Variants in DEUP1 observed in about 807,000 individuals in gnomAD.
DEUP1 encodes deuterosome assembly protein 1.
Under a neutral mutation model 87.4 loss-of-function variants are expected in DEUP1, and 82 were observed. The observed-to-expected ratio is 0.94, with a 90% CI of 0.78 to 1.13. The LOEUF (loss-of-function observed/expected upper bound fraction) is 1.13, where lower values mean the gene tolerates loss of function less well. DEUP1 is among the 50% of genes most tolerant of loss of function. The pLI, the probability that DEUP1 is intolerant of heterozygous loss-of-function variation, is 0.00. For synonymous variants in DEUP1, 214 were observed against 222.7 expected (o/e 0.96, Z 0.35); for missense variants, 663 against 681.5 (o/e 0.97, Z 0.30).
intron 2 of DEUP1, among the ~76,000 whole-genome samples, chr11:93,351,634 TTCAA>T (rs2134200174): frequency 6.6e-6 from 1 of 152,340 alleles, no homozygotes; most frequent in African/African-American, 2.4e-5. Context: ...AATCTTAAAA[TTCAA>T]TCAAGTTATT....
intron 1 of DEUP1, among the ~76,000 whole-genome samples, 162 bp downstream of exon 1, chr11:93,330,934 G>A (rs993802943): frequency 6.6e-6 from 1 of 152,232 alleles, no homozygotes; most frequent in African/African-American, 2.4e-5. Flanking sequence ...CGCGTGGCGC[G>A]GGGACAGAGG....
chr11:93,356,079 T>C (rs1009519488), intron 3 of DEUP1, among the ~76,000 whole-genome samples: 5 of 151,720 alleles, frequency 3.3e-5, no homozygotes, highest in African/African-American at 1.2e-4. Context: ...CATAGAAGAA[T>C]ATATGAGTGC....
chr11:93,357,041 C>G lies in DEUP1; in HGVS notation c.295C>G (p.Gln99Glu). ...YEGQLQSLKA[Q>E]FSKLTNNFEK... ...AGGACAACTACAAAGCCTAAAGGCT[C>G]AAGTAAGAAAACTTATTATAATTTA... is the stretch of plus-strand genomic sequence containing the variant. The change falls in exon 4 of 14, where the codon CAA (glutamine) becomes GAA (glutamate). Residue 99 changes from glutamine (Q) to glutamate (E), a missense_variant and splice_region_variant. Physicochemically the swap from Gln to Glu is conservative, Grantham distance 29. Transcript: ENST00000298050. 2.6e-6 allele frequency: 4 copies of G among 1,535,460 alleles called. No homozygotes were observed. The highest frequency in any genetic ancestry group is 3.5e-6 in the Non-Finnish European group (4 of 1,134,594).
Position 93,364,159 on chromosome 11 carries a change from G to A in DEUP1, c.298-1G>A. Reference sequence around the variant, plus strand: ...ATGTTAACATTTTCTGTGATTTACAGTTTTCCAAACTAACAAATAACTTTG... The same window carrying A: ...ATGTTAACATTTTCTGTGATTTACAATTTTCCAAACTAACAAATAACTTTG... On this transcript the variant is annotated splice_acceptor_variant, in intron 4 of 13. Coordinates refer to ENST00000298050, the MANE Select transcript of DEUP1 (RefSeq NM_181645.4). LOFTEE classifies it high-confidence loss of function. 1 of 1,569,538 alleles carries A rather than the reference G, an allele frequency of 6.4e-7. No individual in the cohort carries two copies. The highest frequency in any genetic ancestry group is 1.1e-5 in the South Asian group (1 of 88,512).
At chr11:93,404,294 G>C (rs978887487) in intron 11 of DEUP1, among the ~76,000 whole-genome samples, 4 of 151,890 alleles carry the variant, frequency 2.6e-5, no homozygotes, top group Admixed American at 2.0e-4. Flanking sequence ...GCTTATCGTC[G>C]TAGGCTTTTT....
chr11:93,376,009 G>T (rs146199623), intron 7 of DEUP1, among the ~76,000 whole-genome samples: 1,900 of 152,236 alleles, frequency 0.012, 28 homozygotes, highest in Middle Eastern at 0.054. Flanking sequence ...GAGTGCAGTG[G>T]TGCAGTTTCG....
At position 93,437,749 on chromosome 11, in the gene DEUP1, C is replaced by CACCA; in HGVS notation, c.*30_*31insACCA. On this transcript the variant is annotated 3_prime_UTR_variant, in exon 14 of 14. Coordinates refer to ENST00000298050, the MANE Select transcript of DEUP1 (RefSeq NM_181645.4). ...TTAAACTTTTTTATTTGCTTCCCCC[C>CACCA]CCCACCCCCGCCAAGAAAAAAAGCT... 2 of 1,070,704 alleles carry CACCA rather than the reference C, an allele frequency of 1.9e-6. No individual in the cohort carries two copies. Among genetic ancestry groups the CACCA allele is most frequent in the Non-Finnish European group, 2.7e-6 (2 of 746,878 alleles). 66.3% of individuals were successfully genotyped at this position (1,070,704 alleles called of 1,614,324 possible).
At chr11:93,403,234 A>G (rs1276562136) in intron 11 of DEUP1, among the ~76,000 whole-genome samples, 1 of 151,926 alleles carries the variant, frequency 6.6e-6, no homozygotes, top group Non-Finnish European at 1.5e-5. Context: ...TATAATATAA[A>G]TTGAGAACTT....
intron 11 of DEUP1, among the ~76,000 whole-genome samples, chr11:93,401,303 A>T (rs966854790): frequency 2.0e-5 from 3 of 152,160 alleles, no homozygotes; most frequent in African/African-American, 2.4e-5. Flanking sequence ...GAGGATAAAA[A>T]AATGGAAAGA....
chr11:93,404,628 A>C (rs994030065), intron 11 of DEUP1, among the ~76,000 whole-genome samples: 8 of 152,182 alleles, frequency 5.3e-5, no homozygotes, highest in African/African-American at 1.7e-4. Flanking sequence ...CCATACATGC[A>C]AAATATTATT....
At chr11:93,341,169 A>G (rs3020079) in intron 2 of DEUP1, among the ~76,000 whole-genome samples, 151,214 of 152,144 alleles carry the variant, frequency 0.99, 75,152 homozygotes, top group East Asian at 1. Flanking sequence ...TGTAATCCCA[A>G]TGCTTTGGAA....
At chr11:93,428,336 A>G (rs1947995726) in intron 13 of DEUP1, among the ~76,000 whole-genome samples, 1 of 152,004 alleles carries the variant, frequency 6.6e-6, no homozygotes, top group Non-Finnish European at 1.5e-5. Flanking sequence ...TCAGCAAACT[A>G]TCTCAAGAAC....
intron 5 of DEUP1, among the ~76,000 whole-genome samples, chr11:93,369,316 A>T (rs887546797): frequency 5.9e-5 from 9 of 152,078 alleles, no homozygotes; most frequent in African/African-American, 1.9e-4. Flanking sequence ...GGGGACACAA[A>T]CATTCAGTCC....
intron 12 of DEUP1, among the ~76,000 whole-genome samples, chr11:93,414,635 G>C (rs374738517): frequency 2.6e-5 from 4 of 152,196 alleles, no homozygotes; most frequent in African/African-American, 7.2e-5. Flanking sequence ...ATTTAGAACT[G>C]TCAAGGGCAA....
rs577736833 is a variant in DEUP1, at chr11:93,419,780, A to G, written c.1638+4666A>G. Among the ~76,000 whole-genome samples the G allele has an allele frequency of 2.6e-5, 4 of 152,086 alleles. No homozygotes were observed. The East Asian group carries it at 5.8e-4, about 22-fold the overall frequency. ...GGACTTCTTTACTCTTTATGTTGGC[A>G]TGAGAAATTTTCCTTCTCATGTTTT... On this transcript the variant is annotated intron_variant, in intron 13 of 13. Coordinates refer to ENST00000298050, the MANE Select transcript of DEUP1 (RefSeq NM_181645.4).
At position 93,419,613 on chromosome 11, in the gene DEUP1, G is replaced by A. The variant is rs7129105; in HGVS notation, c.1638+4499G>A. ...AAGGTATTTAGCCTTTCTCATTTCCGTTTCCAGAGATGAAATCGATCTCAA... is the reference window on the plus strand; with the variant it reads ...AAGGTATTTAGCCTTTCTCATTTCCATTTCCAGAGATGAAATCGATCTCAA... On this transcript the variant is annotated intron_variant, in intron 13 of 13. Coordinates refer to ENST00000298050, the MANE Select transcript of DEUP1 (RefSeq NM_181645.4). 6.1e-3 allele frequency among the ~76,000 whole-genome samples: 923 copies of A among 152,080 alleles called. 8 individuals are homozygous for A. Among genetic ancestry groups the A allele is most frequent in the African/African-American group, 0.021 (854 of 41,484 alleles).
intron 4 of DEUP1, among the ~76,000 whole-genome samples, chr11:93,357,793 A>T (rs956273762): frequency 6.6e-6 from 1 of 152,138 alleles, no homozygotes; most frequent in Non-Finnish European, 1.5e-5. Flanking sequence ...CAATTACTGA[A>T]CCTTTTTAAA....
At chr11:93,343,457 A>G (rs1381793656) in intron 2 of DEUP1, among the ~76,000 whole-genome samples, 7 of 152,148 alleles carry the variant, frequency 4.6e-5, no homozygotes, top group African/African-American at 1.7e-4. Context: ...TCAATATGCA[A>G]TAGGAATTAA....
At chr11:93,389,652 T>C (rs993448197) in intron 9 of DEUP1, among the ~76,000 whole-genome samples, 6 of 152,208 alleles carry the variant, frequency 3.9e-5, no homozygotes, top group African/African-American at 1.2e-4. Flanking sequence ...ATTACCCTCC[T>C]TTTACATTTG....
Sources: gnomAD v4.1 joint callset for allele counts (sites outside exome capture counted in the v4.1 genomes callset) on GRCh38, gnomAD v4.1.1 for gene constraint, MANE v1.5 for transcripts, NCBI Gene and HGNC (gene_info 2026-07-23, HGNC 2026-07-21) for gene names.